The following INPP4B variants were observed in gnomAD, a reference collection of about 807,000 sequenced individuals.
INPP4B encodes inositol polyphosphate 4-phosphatase type II.
In INPP4B, 55 loss-of-function variants were observed where a neutral mutation model predicts 122.5. That is an observed-to-expected ratio of 0.45 (90% CI 0.36 to 0.56). The LOEUF (loss-of-function observed/expected upper bound fraction) is 0.56, where lower values mean the gene tolerates loss of function less well. Among genes scored for constraint, INPP4B ranks in the 20% least tolerant of loss-of-function variants. The pLI, the probability that INPP4B is intolerant of heterozygous loss-of-function variation, is 0.00. For missense variants in INPP4B, 1,000 were observed against 1,097.7 expected, an observed-to-expected ratio of 0.91 and a Z score of 1.26; for synonymous variants, 403 against 388.7, an observed-to-expected ratio of 1.04 and a Z score of -0.43.
At chr4:142,402,501 TAAC>T (rs1172849633) in intron 7 of INPP4B, among the ~76,000 whole-genome samples, 7 of 152,192 alleles carry the variant, frequency 4.6e-5, no homozygotes, top group Admixed American at 4.6e-4. Flanking sequence ...TTGGTGCCAG[TAAC>T]AACATCAAGA....
At chr4:142,065,199 G>T (rs910446009) in intron 25 of INPP4B, among the ~76,000 whole-genome samples, 1 of 151,496 alleles carries the variant, frequency 6.6e-6, no homozygotes, top group Non-Finnish European at 1.5e-5. Flanking sequence ...GTAAGTGCAA[G>T]AGTAATGTCA....
intron 1 of INPP4B, among the ~76,000 whole-genome samples, chr4:142,785,859 C>A (rs1775691464): frequency 6.6e-6 from 1 of 151,978 alleles, no homozygotes; most frequent in Non-Finnish European, 1.5e-5. Context: ...AAAATCTACA[C>A]CTAGCCATGT....
chr4:142,481,383 A>G (rs538639986), intron 2 of INPP4B, among the ~76,000 whole-genome samples: 2 of 152,230 alleles, frequency 1.3e-5, no homozygotes, highest in South Asian at 4.1e-4. Context: ...CTACACTATT[A>G]CAAACCCCTA....
intron 7 of INPP4B, among the ~76,000 whole-genome samples, chr4:142,323,478 C>T (rs1417632256): frequency 7.2e-6 from 1 of 139,612 alleles, no homozygotes; most frequent in Non-Finnish European, 1.5e-5. Flanking sequence ...CGGAGTCTCA[C>T]TCTGTCGCCC....
intron 1 of INPP4B, among the ~76,000 whole-genome samples, chr4:142,739,613 G>A (rs1767606105): frequency 6.6e-6 from 1 of 151,846 alleles, no homozygotes; most frequent in Non-Finnish European, 1.5e-5. Flanking sequence ...TAGAAAGACA[G>A]AAGCACCCCA....
intron 1 of INPP4B, among the ~76,000 whole-genome samples, chr4:142,785,677 G>T (rs949508929): frequency 1.3e-4 from 19 of 151,876 alleles, no homozygotes; most frequent in African/African-American, 3.9e-4. Flanking sequence ...TGTGAAACAA[G>T]TTCAAAAAAT....
At chr4:142,189,363 T>C (rs1372870951) in intron 15 of INPP4B, among the ~76,000 whole-genome samples, 12 of 152,210 alleles carry the variant, frequency 7.9e-5, no homozygotes, top group Non-Finnish European at 1.6e-4. Flanking sequence ...CTATGTGAAT[T>C]CCAATGCCTG....
intron 7 of INPP4B, among the ~76,000 whole-genome samples, chr4:142,353,235 AG>A (rs1290135010): frequency 1.3e-5 from 2 of 152,022 alleles, no homozygotes; most frequent in Non-Finnish European, 2.9e-5. Context: ...TATATTCCTC[AG>A]GAAAGTTTCA....
intron 7 of INPP4B, 58 bp from the exon 8 acceptor site, chr4:142,314,820 G>C (rs146853781): frequency 7.2e-7 from 1 of 1,393,974 alleles, no homozygotes; most frequent in East Asian, 2.5e-5. Flanking sequence ...CAGAAGCCTC[G>C]CACAGGTGCT....
At chr4:142,472,488 G>T (rs1819031974) in intron 2 of INPP4B, among the ~76,000 whole-genome samples, 1 of 152,134 alleles carries the variant, frequency 6.6e-6, no homozygotes, top group African/African-American at 2.4e-5. Context: ...ACTGTTAAAA[G>T]TTCCTCTTTA....
At chr4:142,590,881 C>CAAAAAAAAA (rs59459819) in intron 2 of INPP4B, among the ~76,000 whole-genome samples, 6 of 93,632 alleles carry the variant, frequency 6.4e-5, no homozygotes, top group African/African-American at 8.2e-5. Flanking sequence ...TATCATTCTC[C>CAAAAAAAAA]AAAAAAAAAA....
At chr4:142,290,295 T>C (rs2150960634) in intron 9 of INPP4B, among the ~76,000 whole-genome samples, 1 of 139,796 alleles carries the variant, frequency 7.2e-6, no homozygotes, top group Non-Finnish European at 1.5e-5. Context: ...CAACTTCTGC[T>C]ACCCAGGTTC....
chr4:142,166,980 G>A lies in INPP4B; in HGVS notation c.1360-6419C>T, dbSNP rs955309062. ...TTCAACCATTATGGAAGACAGTAGC[G>A]TGGCAATTACTCAAAGACCTAGAAC... On this transcript the variant is annotated intron_variant, in intron 16 of 25. Coordinates refer to ENST00000262992, the MANE Select transcript of INPP4B (RefSeq NM_001101669.3). Among the ~76,000 whole-genome samples the A allele has an allele frequency of 1.2e-4, 18 of 151,696 alleles. No individual in the cohort carries two copies. The South Asian group carries it at 2.3e-3, about 19-fold the overall frequency.
chr4:142,712,916 CA>C (rs1336494202), intron 2 of INPP4B, among the ~76,000 whole-genome samples: 8 of 152,162 alleles, frequency 5.3e-5, no homozygotes, highest in African/African-American at 1.7e-4. Context: ...AGGGGAATAA[CA>C]AACATGTCCA....
chr4:142,630,901 G>T (rs184239453), intron 2 of INPP4B, among the ~76,000 whole-genome samples: 5 of 152,194 alleles, frequency 3.3e-5, no homozygotes, highest in Admixed American at 3.3e-4. Context: ...TGGGACCGCA[G>T]CTTAGCTTCA....
intron 2 of INPP4B, among the ~76,000 whole-genome samples, chr4:142,586,950 T>C (rs902550412): frequency 2.6e-5 from 4 of 152,102 alleles, no homozygotes; most frequent in African/African-American, 9.7e-5. Context: ...TTCTGAAATA[T>C]GGTGGAAGTG....
rs539102836 is a variant in INPP4B, at chr4:142,828,287, G to T, written c.-254+17922C>A. On this transcript the variant is annotated intron_variant, in intron 1 of 25. Transcript: ENST00000262992. Reference sequence around the variant, plus strand: ...AAGGCCTTAAATCTATGTTATGTGGGGTGGATGACCTGAGCCCCATATAGC... The same window carrying T: ...AAGGCCTTAAATCTATGTTATGTGGTGTGGATGACCTGAGCCCCATATAGC... Among the ~76,000 whole-genome samples, 8 of 152,136 alleles carry T rather than the reference G, an allele frequency of 5.3e-5. No individual in the cohort carries two copies. The South Asian group carries it at 6.2e-4, about 12-fold the overall frequency.
chr4:142,509,574 T>G (rs1824455334), intron 2 of INPP4B, among the ~76,000 whole-genome samples: 1 of 152,232 alleles, frequency 6.6e-6, no homozygotes, highest in Non-Finnish European at 1.5e-5. Flanking sequence ...TTTTTAGGGC[T>G]GCATAGTACT....
At chr4:142,734,901 T>C (rs1370665580) in intron 1 of INPP4B, among the ~76,000 whole-genome samples, 1 of 152,140 alleles carries the variant, frequency 6.6e-6, no homozygotes, top group Non-Finnish European at 1.5e-5. Flanking sequence ...TGCCTCAGCC[T>C]CCCAAAGTGC....
Sources: allele counts gnomAD v4.1 joint callset (sites outside exome capture counted in the v4.1 genomes callset), GRCh38; gene constraint gnomAD v4.1.1; transcripts MANE v1.5; gene names NCBI Gene and HGNC (gene_info 2026-07-23, HGNC 2026-07-21).